SUCLG2: variants seen among roughly 807,000 people sequenced by gnomAD.
The protein encoded by SUCLG2 is succinate-CoA ligase GDP-forming subunit beta, also known as succinate--CoA ligase [GDP-forming] subunit beta, mitochondrial.
A neutral mutation model predicts 47.9 loss-of-function variants in SUCLG2; 42 were observed. The ratio of observed to expected loss-of-function variants is 0.88; its 90% CI spans 0.69 to 1.14. The LOEUF is 1.14. SUCLG2 is among the 50% of genes most tolerant of loss of function. The pLI is 0.00. For synonymous variants in SUCLG2, 195 were observed against 197.3 expected, an observed-to-expected ratio of 0.99 and a Z score of 0.10; for missense variants, 571 against 525.9, an observed-to-expected ratio of 1.09 and a Z score of -0.84.
chr3:67,604,664 T>A (rs1245571661), intron 2 of SUCLG2, among the ~76,000 whole-genome samples: 2 of 149,184 alleles, frequency 1.3e-5, no homozygotes, highest in Non-Finnish European at 3.0e-5. Flanking sequence ...GAAGAGAAGG[T>A]TTGAAGCAAC....
At chr3:67,428,583 C>T (rs892183409) in intron 9 of SUCLG2, among the ~76,000 whole-genome samples, 3 of 152,210 alleles carry the variant, frequency 2.0e-5, no homozygotes, top group Non-Finnish European at 4.4e-5. Context: ...TGGAACAAAG[C>T]TGAACAGAGA....
intron 9 of SUCLG2, among the ~76,000 whole-genome samples, chr3:67,442,742 T>C (rs1703803567): frequency 6.6e-6 from 1 of 152,242 alleles, no homozygotes; most frequent in South Asian, 2.1e-4. Context: ...ATCAACTGCT[T>C]GGCAAGCAGT....
At chr3:67,388,039 C>T (rs1362714597) in intron 10 of SUCLG2, among the ~76,000 whole-genome samples, 1 of 151,828 alleles carries the variant, frequency 6.6e-6, no homozygotes, top group Non-Finnish European at 1.5e-5. Flanking sequence ...CTAATAGGAC[C>T]TGCTTCTATC....
At chr3:67,651,197 G>A (rs952183815) in intron 1 of SUCLG2, among the ~76,000 whole-genome samples, 1 of 152,156 alleles carries the variant, frequency 6.6e-6, no homozygotes, top group Non-Finnish European at 1.5e-5. Flanking sequence ...TTACATGCCT[G>A]TGCTTTGGCT....
At chr3:67,512,550 A>G (rs1321395681) in intron 6 of SUCLG2, among the ~76,000 whole-genome samples, 1 of 150,272 alleles carries the variant, frequency 6.7e-6, no homozygotes, top group Non-Finnish European at 1.5e-5. Flanking sequence ...CATAATAGAA[A>G]TAACTTCTGG....
At chr3:67,438,353 T>C (rs1193161234) in intron 9 of SUCLG2, among the ~76,000 whole-genome samples, 7 of 151,800 alleles carry the variant, frequency 4.6e-5, no homozygotes, top group Non-Finnish European at 8.8e-5. Flanking sequence ...ATTCAAAAGG[T>C]AGCAGAAAAC....
At chr3:67,635,349 C>T (rs1370737695) in intron 1 of SUCLG2, among the ~76,000 whole-genome samples, 1 of 152,186 alleles carries the variant, frequency 6.6e-6, no homozygotes, top group Non-Finnish European at 1.5e-5. Flanking sequence ...GCATATGAAA[C>T]TGAGACAGGC....
intron 2 of SUCLG2, among the ~76,000 whole-genome samples, chr3:67,582,422 G>C (rs893664959): frequency 6.6e-6 from 1 of 152,156 alleles, no homozygotes; most frequent in Non-Finnish European, 1.5e-5. Flanking sequence ...CCAGCTCCAT[G>C]CATGTTGCTA....
chr3:67,633,533 C>T (rs983222267), intron 1 of SUCLG2, among the ~76,000 whole-genome samples: 2 of 152,088 alleles, frequency 1.3e-5, no homozygotes, highest in African/African-American at 4.8e-5. Context: ...ATGTAACAGG[C>T]ATAATTACAG....
chr3:67,396,106 A>C (rs1043272243), intron 10 of SUCLG2, among the ~76,000 whole-genome samples: 5 of 152,296 alleles, frequency 3.3e-5, no homozygotes, highest in African/African-American at 1.2e-4. Flanking sequence ...ATCACAATTA[A>C]AAGAACTAGA....
chr3:67,391,646 T>A (rs535333471), intron 10 of SUCLG2, among the ~76,000 whole-genome samples: 1 of 152,266 alleles, frequency 6.6e-6, no homozygotes, highest in Admixed American at 6.5e-5. Context: ...GAAAACATTT[T>A]CATTCAGAAT....
At chr3:67,544,581 C>A (rs1422489430) in intron 2 of SUCLG2, among the ~76,000 whole-genome samples, 1 of 152,128 alleles carries the variant, frequency 6.6e-6, no homozygotes, top group African/African-American at 2.4e-5. Flanking sequence ...AATTACTAGT[C>A]TCAGGGAAGC....
rs570015273 is a variant in SUCLG2 at position 67,617,863 on chromosome 3, T to A, written c.85-8267A>T. On this transcript the variant is annotated intron_variant, in intron 1 of 10. Transcript: ENST00000307227. ...AAAAAAGTTAGCTATTATTATTTAA[T>A]CCAGAAATATAAAAGAGGAGGAAAG... 4.6e-5 allele frequency among the ~76,000 whole-genome samples: 7 copies of A among 152,204 alleles called. No individual in the cohort carries two copies. In the South Asian group the frequency reaches 1.5e-3, roughly 32 times the overall value.
At chr3:67,591,175 T>C (rs1708154270) in intron 2 of SUCLG2, among the ~76,000 whole-genome samples, 1 of 152,196 alleles carries the variant, frequency 6.6e-6, no homozygotes, top group African/African-American at 2.4e-5. Flanking sequence ...CTAGAAGCCT[T>C]TCCTACCATT....
chr3:67,390,471 T>TA (rs1340129141), intron 10 of SUCLG2, among the ~76,000 whole-genome samples: 34 of 152,196 alleles, frequency 2.2e-4, no homozygotes, highest in African/African-American at 7.7e-4. Flanking sequence ...TTGAAAATGG[T>TA]AACTTTATAA....
At chr3:67,404,150 T>C (rs1297696366) in intron 9 of SUCLG2, among the ~76,000 whole-genome samples, 2 of 152,104 alleles carry the variant, frequency 1.3e-5, no homozygotes, top group Non-Finnish European at 2.9e-5. Flanking sequence ...TCCCAAAGTG[T>C]TGGGATTACA....
chr3:67,649,141 G>T (rs545975411), intron 1 of SUCLG2, among the ~76,000 whole-genome samples: 35 of 152,320 alleles, frequency 2.3e-4, no homozygotes, highest in African/African-American at 8.2e-4. Context: ...TGAAGACAGA[G>T]ATCAGGCAAT....
chr3:67,526,737 T>C (rs1309978321), intron 4 of SUCLG2, among the ~76,000 whole-genome samples: 1 of 152,190 alleles, frequency 6.6e-6, no homozygotes, highest in African/African-American at 2.4e-5. Flanking sequence ...CACTTACACA[T>C]TGCTGATGGC....
intron 9 of SUCLG2, among the ~76,000 whole-genome samples, chr3:67,475,722 T>TGC (rs1245208916): frequency 0.013 from 1,890 of 151,108 alleles, 17 homozygotes; most frequent in Non-Finnish European, 0.018. Context: ...TCCCCTCCTT[T>TGC]TTTTTTTTTG....
Sources: gnomAD v4.1 joint callset for allele counts (sites outside exome capture counted in the v4.1 genomes callset) on GRCh38, gnomAD v4.1.1 for gene constraint, MANE v1.5 for transcripts, NCBI Gene and HGNC (gene_info 2026-07-23, HGNC 2026-07-21) for gene names.